Variants in CPT1A observed in about 807,000 individuals in gnomAD.
CPT1A encodes carnitine palmitoyltransferase 1A.
CPT1A carries 64 observed loss-of-function variants against 100.8 expected under a neutral mutation model. That is an observed-to-expected ratio of 0.63 (90% CI 0.52 to 0.78). The LOEUF (loss-of-function observed/expected upper bound fraction) is 0.78, where lower values mean the gene tolerates loss of function less well. CPT1A is among the 30% of genes least tolerant of loss of function. The pLI, the probability that CPT1A is intolerant of heterozygous loss-of-function variation, is 0.00. For missense variants in CPT1A, 802 were observed against 1,034.1 expected (o/e 0.78, Z 3.08); for synonymous variants, 363 against 396.0 (o/e 0.92, Z 0.99).
intron 1 of CPT1A, among the ~76,000 whole-genome samples, chr11:68,816,890 TGTG>T (rs1241977795): frequency 1.6e-5 from 2 of 124,114 alleles, no homozygotes; most frequent in East Asian, 5.1e-4. Flanking sequence ...TATATGTGTG[TGTG>T]GTGTGTGTGG....
chr11:68,785,855 T>C (rs2153998582), intron 9 of CPT1A: 1 of 543,012 alleles, frequency 1.8e-6, no homozygotes, highest in South Asian at 2.5e-5. Context: ...AGAAAGAAAG[T>C]GGAAAATTAC....
At chr11:68,826,463 G>A (rs777130928) in intron 1 of CPT1A, among the ~76,000 whole-genome samples, 3 of 141,204 alleles carry the variant, frequency 2.1e-5, no homozygotes, top group Non-Finnish European at 3.1e-5. Context: ...GGTCAGGCGC[G>A]GTGGCTCACG....
intron 5 of CPT1A, among the ~76,000 whole-genome samples, chr11:68,801,952 A>C (rs1404296661): frequency 2.6e-5 from 4 of 152,200 alleles, no homozygotes; most frequent in Non-Finnish European, 5.9e-5. Context: ...ATGGAACACT[A>C]TTCAGCCACA....
chr11:68,766,261 G>A (rs1472533044), intron 14 of CPT1A, among the ~76,000 whole-genome samples: 1 of 151,762 alleles, frequency 6.6e-6, no homozygotes, highest in African/African-American at 2.4e-5. Context: ...CCTGAGAAGG[G>A]GTCCCCAGGC....
intron 14 of CPT1A, among the ~76,000 whole-genome samples, chr11:68,765,649 G>C (rs762296400): frequency 6.6e-6 from 1 of 152,174 alleles, no homozygotes; most frequent in Non-Finnish European, 1.5e-5. Flanking sequence ...TAATACCACT[G>C]TCTAGTGTCA....
At chr11:68,817,508 C>T (rs972218457) in intron 1 of CPT1A, among the ~76,000 whole-genome samples, 1 of 152,122 alleles carries the variant, frequency 6.6e-6, no homozygotes, top group African/African-American at 2.4e-5. Flanking sequence ...AACGCAGGAG[C>T]AGTGCTCTGG....
chr11:68,806,441 T>C (rs2154000733), intron 4 of CPT1A, among the ~76,000 whole-genome samples: 1 of 152,216 alleles, frequency 6.6e-6, no homozygotes, highest in East Asian at 1.9e-4. Flanking sequence ...GAGACCAGCC[T>C]GGCCAACAAA....
intron 1 of CPT1A, among the ~76,000 whole-genome samples, chr11:68,824,720 G>A (rs1276053793): frequency 6.6e-6 from 1 of 151,956 alleles, no homozygotes; most frequent in Admixed American, 6.6e-5. Flanking sequence ...ATGGCACTCA[G>A]GCAGTGGTTA....
chr11:68,770,368 C>T (rs917252495), intron 14 of CPT1A, among the ~76,000 whole-genome samples: 8 of 152,228 alleles, frequency 5.3e-5, no homozygotes, highest in Admixed American at 6.5e-5. Flanking sequence ...TCTTAATCGT[C>T]AAAGCCTTTC....
chr11:68,841,019 T>G lies in CPT1A; in HGVS notation c.-14+756A>C, dbSNP rs1857146767. Among the ~76,000 whole-genome samples, 2 of 152,320 alleles carry G rather than the reference T, an allele frequency of 1.3e-5. No homozygotes were observed. Among genetic ancestry groups the G allele is most frequent in the South Asian group, 4.1e-4 (2 of 4,832 alleles). ...GGCACTGGGCCCGGCACCCTCATCCTGCTCACGGCAGCGCTCGGACCGCGC... is the reference window on the plus strand; with the variant it reads ...GGCACTGGGCCCGGCACCCTCATCCGGCTCACGGCAGCGCTCGGACCGCGC... On this transcript the variant is annotated intron_variant, in intron 1 of 18. Coordinates refer to ENST00000265641, the MANE Select transcript of CPT1A (RefSeq NM_001876.4). This position sits in a 1 kb window ranked among gnomAD's most constrained non-coding sequence, Gnocchi z 6.3.
chr11:68,775,562 G>T, intron 12 of CPT1A, 130 bp from the exon 13 acceptor site: 1 of 724,464 alleles, frequency 1.4e-6, no homozygotes, highest in Non-Finnish European at 2.4e-6. Flanking sequence ...AAGGCTTCCA[G>T]TATGCTCAGC....
rs58341713 is a variant in CPT1A, at chr11:68,804,263, T to C, written c.454-162A>G. Among the ~76,000 whole-genome samples the C allele has an allele frequency of 0.022, 3,380 of 152,308 alleles. 127 individuals carry two copies. Among genetic ancestry groups the C allele is most frequent in the African/African-American group, 0.078 (3,224 of 41,564 alleles). ...GCTATGTTAAAGATCCGAAGCCACT[T>C]TTCCCGTGCGCACAATGTGCCAACC... On this transcript the variant is annotated intron_variant, in intron 4 of 18. Coordinates refer to ENST00000265641, the MANE Select transcript of CPT1A (RefSeq NM_001876.4).
Position 68,798,458 on chromosome 11 carries a change from G to A in CPT1A, c.693+760C>T, listed in dbSNP as rs566161664. On this transcript the variant is annotated intron_variant, in intron 6 of 18. Transcript: ENST00000265641. The stretch of plus-strand genomic sequence containing the variant: ...GGTCGCTTTGGACACCTTCTCTTCC[G>A]TGTTAGTTGTTCCTCAAAGCTAGAC... Among the ~76,000 whole-genome samples, 39 of 152,244 alleles carry A rather than the reference G, an allele frequency of 2.6e-4. 1 individual carries two copies. The highest frequency in any genetic ancestry group is 2.4e-3 in the Admixed American group (36 of 15,302).
At position 68,756,262 on chromosome 11, in the gene CPT1A, A is replaced by G. The variant is rs1946692535; in HGVS notation, c.*1382T>C. The G allele has an allele frequency of 6.6e-6, 1 of 152,188 alleles. No homozygotes were observed. Among genetic ancestry groups the G allele is most frequent in the African/African-American group, 2.4e-5 (1 of 41,432 alleles). The allele number at this position is 152,188 out of a possible 1,614,324, so 9.4% of individuals were successfully genotyped here. A position where few individuals can be genotyped will look rare whatever the true frequency, so the allele number is the denominator to read the frequency against. ...ACCAAGTGGTCAAAAAAATAAATACACAATTTAAAACAATGGACAGCTAAG... is the reference window on the plus strand; with the variant it reads ...ACCAAGTGGTCAAAAAAATAAATACGCAATTTAAAACAATGGACAGCTAAG... On this transcript the variant is annotated 3_prime_UTR_variant, in exon 19 of 19. Transcript: ENST00000265641.
At chr11:68,838,275 A>AT (rs1485166148) in intron 1 of CPT1A, among the ~76,000 whole-genome samples, 1 of 152,040 alleles carries the variant, frequency 6.6e-6, no homozygotes, top group Non-Finnish European at 1.5e-5. Context: ...ACCAAAAAAA[A>AT]GGCAAAGGCA....
intron 1 of CPT1A, among the ~76,000 whole-genome samples, chr11:68,829,682 T>C (rs919482117): frequency 2.0e-5 from 3 of 152,164 alleles, no homozygotes; most frequent in Non-Finnish European, 4.4e-5. Flanking sequence ...GAACTAGCCC[T>C]GGGAATGGAC....
At chr11:68,839,157 A>AT (rs1857096837) in intron 1 of CPT1A, among the ~76,000 whole-genome samples, 1 of 152,140 alleles carries the variant, frequency 6.6e-6, no homozygotes. Flanking sequence ...GTGACTAAAC[A>AT]TTTTTTCCAA....
chr11:68,822,584 T>C (rs1374234433), intron 1 of CPT1A, among the ~76,000 whole-genome samples: 1 of 151,394 alleles, frequency 6.6e-6, no homozygotes, highest in Non-Finnish European at 1.5e-5. Flanking sequence ...GACCCAGCAA[T>C]TCCATTTCTA....
intron 16 of CPT1A, among the ~76,000 whole-genome samples, chr11:68,761,269 A>C (rs1464155036): frequency 6.7e-6 from 1 of 149,824 alleles, no homozygotes; most frequent in Non-Finnish European, 1.5e-5. Context: ...ATCACTCCCT[A>C]GTTACTTCCG....
Sources: gnomAD v4.1 joint callset for allele counts (sites outside exome capture counted in the v4.1 genomes callset) on GRCh38, gnomAD v4.1.1 for gene constraint, Gnocchi (gnomAD v3.1) non-coding constraint, MANE v1.5 for transcripts, NCBI Gene and HGNC (gene_info 2026-07-23, HGNC 2026-07-21) for gene names.